PPP6R3: variants seen among roughly 807,000 people sequenced by gnomAD.
The protein encoded by PPP6R3 is serine/threonine-protein phosphatase 6 regulatory subunit 3.
Under a neutral mutation model 110.7 loss-of-function variants are expected in PPP6R3, and 38 were observed. The observed-to-expected ratio is 0.34, with a 90% CI of 0.26 to 0.45. The LOEUF (loss-of-function observed/expected upper bound fraction) is 0.45. PPP6R3 is among the 20% of genes least tolerant of loss of function. The pLI, the probability that PPP6R3 is intolerant of heterozygous loss-of-function variation, is 1.00. For synonymous variants in PPP6R3, 369 were observed against 373.5 expected, an observed-to-expected ratio of 0.99 and a Z score of 0.14; for missense variants, 870 against 1,062.4, an observed-to-expected ratio of 0.82 and a Z score of 2.52.
intron 5 of PPP6R3, 109 bp downstream of exon 5, chr11:68,548,313 A>T: frequency 7.1e-7 from 1 of 1,405,566 alleles, no homozygotes; most frequent in Non-Finnish European, 9.6e-7. Flanking sequence ...TTGGTAGCAG[A>T]GGGTTGTCTG....
chr11:68,504,574 G>A (rs1285560179), intron 1 of PPP6R3, among the ~76,000 whole-genome samples: 1 of 152,178 alleles, frequency 6.6e-6, no homozygotes, highest in Non-Finnish European at 1.5e-5. Flanking sequence ...GCAGCTAAAA[G>A]TAAGTGTACC....
intron 1 of PPP6R3, among the ~76,000 whole-genome samples, chr11:68,518,673 G>A (rs536132603): frequency 1.6e-4 from 24 of 152,108 alleles, no homozygotes; most frequent in Middle Eastern, 3.4e-3. Flanking sequence ...AATTTGCACC[G>A]AGGCCTGTTA....
chr11:68,511,494 G>GTT (rs1448036535), intron 1 of PPP6R3, among the ~76,000 whole-genome samples: 1 of 131,796 alleles, frequency 7.6e-6, no homozygotes, highest in Non-Finnish European at 1.7e-5. Context: ...GTGTGTGTGT[G>GTT]TTTTGAGTTG....
rs541845481 is a variant in PPP6R3 at position 68,565,111 on chromosome 11, A to G, written c.975+679A>G. On this transcript the variant is annotated intron_variant, in intron 9 of 23. Coordinates refer to ENST00000393800, the MANE Select transcript of PPP6R3 (RefSeq NM_001164161.2). Reference sequence around the variant, plus strand: ...AGTTTCCTTTTTTTTCCTGCCCTATATCATTGAATCTGGTGTATCTCGGTG... The same window carrying G: ...AGTTTCCTTTTTTTTCCTGCCCTATGTCATTGAATCTGGTGTATCTCGGTG... 1.7e-4 allele frequency among the ~76,000 whole-genome samples: 25 copies of G among 151,506 alleles called. No homozygotes were observed. In the East Asian group the frequency reaches 1.9e-3, roughly 12 times the overall value.
chr11:68,603,296 C>A, intron 21 of PPP6R3, 46 bp from the exon 22 acceptor site: 1 of 1,606,058 alleles, frequency 6.2e-7, no homozygotes, highest in South Asian at 1.1e-5. Flanking sequence ...GGTGCCAGTT[C>A]CTTTTCGGGC....
rs775113695 is a variant in PPP6R3, at chr11:68,564,280, A to G, written c.846-23A>G. ...GATTTGTTCTGAAATTATAATAACT[A>G]AAATTCCTTGCTTTGTTTCAAGATT... On this transcript the variant is annotated intron_variant, in intron 8 of 23. Transcript: ENST00000393800. 5 of 1,586,666 alleles carry G rather than the reference A, an allele frequency of 3.2e-6. No homozygotes were observed. The African/African-American group carries it at 4.1e-5, about 13-fold the overall frequency.
intron 22 of PPP6R3, 73 bp from the exon 23 acceptor site, chr11:68,609,831 G>T (rs1594147846): frequency 6.2e-7 from 1 of 1,603,826 alleles, no homozygotes; most frequent in East Asian, 2.2e-5. Flanking sequence ...CCATCTGCAT[G>T]TGACCTCATC....
At chr11:68,543,685 G>C (rs2099330781) in intron 3 of PPP6R3, among the ~76,000 whole-genome samples, 1 of 152,226 alleles carries the variant, frequency 6.6e-6, no homozygotes, top group African/African-American at 2.4e-5. Flanking sequence ...GTCTTGCTCA[G>C]CTTTTGAGCT....
At chr11:68,466,683 G>A (rs1330148185) in intron 1 of PPP6R3, among the ~76,000 whole-genome samples, 1 of 152,002 alleles carries the variant, frequency 6.6e-6, no homozygotes, top group East Asian at 1.9e-4. Flanking sequence ...CGCTATCTCG[G>A]CTCACTGCAA....
At position 68,545,561 on chromosome 11, in the gene PPP6R3, C is replaced by CAGAAA. The variant is rs1466256918; in HGVS notation, c.414+537_414+538insAGAAA. Among the ~76,000 whole-genome samples, 334 of 152,300 alleles carry CAGAAA rather than the reference C, an allele frequency of 2.2e-3. 2 individuals are homozygous for CAGAAA. The highest frequency in any genetic ancestry group is 7.6e-3 in the African/African-American group (316 of 41,570). On this transcript the variant is annotated intron_variant, in intron 4 of 23. Coordinates refer to ENST00000393800, the MANE Select transcript of PPP6R3 (RefSeq NM_001164161.2). ...TGTGTACATTTGCAGCTGTGCTGTT[C>CAGAAA]CTATCCAGTGTGGTTTGACAGAAAC...
At chr11:68,568,332 A>ATT (rs1312039135) in intron 10 of PPP6R3, among the ~76,000 whole-genome samples, 1 of 152,198 alleles carries the variant, frequency 6.6e-6, no homozygotes. Context: ...ATATACAGTT[A>ATT]TTGTTAATTT....
intron 1 of PPP6R3, among the ~76,000 whole-genome samples, chr11:68,464,315 A>G (rs1338147579): frequency 5.3e-5 from 8 of 152,008 alleles, no homozygotes; most frequent in African/African-American, 1.9e-4. Context: ...TATTTTTAGT[A>G]GAGATGGAGT....
intron 3 of PPP6R3, among the ~76,000 whole-genome samples, chr11:68,539,834 G>A (rs1363864416): frequency 6.6e-6 from 1 of 152,198 alleles, no homozygotes. Flanking sequence ...AAGGTGGTGG[G>A]GTGGGCAGAG....
At chr11:68,508,705 G>A (rs954521407) in intron 1 of PPP6R3, among the ~76,000 whole-genome samples, 1 of 152,102 alleles carries the variant, frequency 6.6e-6, no homozygotes, top group African/African-American at 2.4e-5. Context: ...TTTATATTAT[G>A]TTACACTTGC....
chr11:68,614,875 A>AGAT lies in PPP6R3; in HGVS notation c.*1759_*1761dup, dbSNP rs1312603765. The AGAT allele has an allele frequency of 1.1e-6, 1 of 911,780 alleles. No individual in the cohort carries two copies. Among genetic ancestry groups the AGAT allele is most frequent in the Middle Eastern group, 2.1e-4 (1 of 4,708 alleles). 56.5% of individuals were successfully genotyped at this position (911,780 alleles called of 1,614,324 possible). On this transcript the variant is annotated 3_prime_UTR_variant, in exon 24 of 24. Coordinates refer to ENST00000393800, the MANE Select transcript of PPP6R3 (RefSeq NM_001164161.2). ...GCGTTGGACCTCGGGGATTACTGGTAGATAATATGCTCTGGTCTCGCCTGG... is the reference window on the plus strand; with the variant it reads ...GCGTTGGACCTCGGGGATTACTGGTAGATGATAATATGCTCTGGTCTCGCCTGG...
chr11:68,519,945 C>T (rs903729687), intron 2 of PPP6R3, among the ~76,000 whole-genome samples: 9 of 152,184 alleles, frequency 5.9e-5, no homozygotes, highest in African/African-American at 2.2e-4. Flanking sequence ...TAGTAGCATG[C>T]AGAGAAAGAC....
intron 23 of PPP6R3, among the ~76,000 whole-genome samples, chr11:68,612,210 C>G (rs1163273252): frequency 1.3e-5 from 2 of 152,176 alleles, no homozygotes; most frequent in East Asian, 3.9e-4. Flanking sequence ...ATTCCTATGT[C>G]TCTCATACAC....
intron 10 of PPP6R3, among the ~76,000 whole-genome samples, 173 bp downstream of exon 10, chr11:68,567,339 T>C (rs983690527): frequency 6.6e-6 from 1 of 152,246 alleles, no homozygotes; most frequent in African/African-American, 2.4e-5. Context: ...CGAATGCTTA[T>C]AATTGTTCAC....
chr11:68,493,936 A>G (rs967505596), intron 1 of PPP6R3, among the ~76,000 whole-genome samples: 5 of 150,896 alleles, frequency 3.3e-5, no homozygotes, highest in Non-Finnish European at 7.4e-5. Flanking sequence ...CCCCCTCTCT[A>G]CTAAAAATAC....
Sources: gnomAD v4.1 joint callset for allele counts (sites outside exome capture counted in the v4.1 genomes callset) on GRCh38, gnomAD v4.1.1 for gene constraint, MANE v1.5 for transcripts, NCBI Gene and HGNC (gene_info 2026-07-23, HGNC 2026-07-21) for gene names.